Variants in GALNT13 observed in about 807,000 individuals in gnomAD.
The protein encoded by GALNT13 is polypeptide N-acetylgalactosaminyltransferase 13.
Under a neutral mutation model 64.2 loss-of-function variants are expected in GALNT13, and 28 were observed. The ratio of observed to expected loss-of-function variants is 0.44; its 90% CI spans 0.32 to 0.60. The LOEUF (loss-of-function observed/expected upper bound fraction) is 0.60. Ranked by LOEUF, GALNT13 falls within the 20% of genes least tolerant of loss-of-function variation. The probability of loss-of-function intolerance (pLI) is 0.05; values close to 1 mark genes in which losing one functional copy is unlikely to be tolerated. For synonymous variants in GALNT13, 214 were observed against 224.6 expected, an observed-to-expected ratio of 0.95 and a Z score of 0.42; for missense variants, 577 against 669.8, an observed-to-expected ratio of 0.86 and a Z score of 1.53.
intron 3 of GALNT13, among the ~76,000 whole-genome samples, chr2:154,025,870 A>C (rs547346392): frequency 2.6e-5 from 4 of 152,234 alleles, no homozygotes; most frequent in African/African-American, 9.6e-5. Flanking sequence ...TCTTGAACTG[A>C]GTCTCAATAT....
intron 4 of GALNT13, among the ~76,000 whole-genome samples, chr2:154,167,785 C>T (rs1350472475): frequency 1.3e-5 from 2 of 152,056 alleles, no homozygotes; most frequent in South Asian, 4.1e-4. Context: ...GATAGAAAGG[C>T]AGCCTTGCTT....
intron 3 of GALNT13, among the ~76,000 whole-genome samples, chr2:154,123,148 T>C (rs1389411738): frequency 6.6e-6 from 1 of 152,066 alleles, no homozygotes; most frequent in Non-Finnish European, 1.5e-5. Flanking sequence ...AAATTTTTTC[T>C]AGCAGACTTG....
intron 4 of GALNT13, among the ~76,000 whole-genome samples, chr2:154,165,102 G>T (rs1284178234): frequency 6.6e-6 from 1 of 152,108 alleles, no homozygotes; most frequent in East Asian, 1.9e-4. Context: ...AAGGAGAAAA[G>T]CACAGGGAAA....
chr2:153,083,047 T>C, the GALNT13 span, among the ~76,000 whole-genome samples: 465 of 152,078 alleles, frequency 3.1e-3, 1 homozygote, highest in African/African-American at 0.011. Context: ...CAGGCTGGTC[T>C]CAAACTCCTG....
chr2:153,525,875 G>A, the GALNT13 span, among the ~76,000 whole-genome samples: 1 of 152,162 alleles, frequency 6.6e-6, no homozygotes, highest in South Asian at 2.1e-4. Flanking sequence ...GCTGACTGAG[G>A]AGCCCTTGGG....
At position 154,162,984 on chromosome 2, in the gene GALNT13, T is replaced by A. The variant is rs545312188; in HGVS notation, c.311+22479T>A. ...TTATTTTATTTTTCTATTTTTTTTT[T>A]TATATTTTTTATTATACTTTAAGTT... On this transcript the variant is annotated intron_variant, in intron 4 of 12. Coordinates refer to ENST00000392825, the MANE Select transcript of GALNT13 (RefSeq NM_052917.4). Among the ~76,000 whole-genome samples, 785 of 151,404 alleles carry A rather than the reference T, an allele frequency of 5.2e-3. 4 individuals are homozygous for A. The highest frequency in any genetic ancestry group is 7.9e-3 in the Non-Finnish European group (539 of 67,830).
At chr2:153,686,888 A>G in the GALNT13 span, among the ~76,000 whole-genome samples, 1 of 152,064 alleles carries the variant, frequency 6.6e-6, no homozygotes, top group Admixed American at 6.6e-5. Context: ...TTCTGCATCT[A>G]TTGAGATAAT....
chr2:153,538,228 A>G, the GALNT13 span, among the ~76,000 whole-genome samples: 1 of 150,258 alleles, frequency 6.7e-6, no homozygotes, highest in South Asian at 2.1e-4. Flanking sequence ...GATTGCTGGC[A>G]TTTTTCCCCT....
the GALNT13 span, among the ~76,000 whole-genome samples, chr2:153,606,460 G>A: frequency 7.2e-5 from 11 of 151,992 alleles, 1 homozygote; most frequent in African/African-American, 2.7e-4. Flanking sequence ...ATGCAAATTC[G>A]TAAACTTTCT....
chr2:153,770,457 A>G, the GALNT13 span, among the ~76,000 whole-genome samples: 1 of 152,182 alleles, frequency 6.6e-6, no homozygotes, highest in Non-Finnish European at 1.5e-5. Flanking sequence ...TATGAGGCTG[A>G]AGCGATATTG....
chr2:153,300,988 C>T, the GALNT13 span, among the ~76,000 whole-genome samples: 1 of 152,016 alleles, frequency 6.6e-6, no homozygotes, highest in East Asian at 1.9e-4. Flanking sequence ...CAGATAGCTT[C>T]AGGCCAGATG....
chr2:153,918,282 A>C (rs1689527327), intron 2 of GALNT13, among the ~76,000 whole-genome samples: 1 of 152,150 alleles, frequency 6.6e-6, no homozygotes, highest in Non-Finnish European at 1.5e-5. Context: ...GGAAAGGGAG[A>C]TGCTCCTAAT....
At chr2:153,841,285 T>C in the GALNT13 span, among the ~76,000 whole-genome samples, 1 of 152,146 alleles carries the variant, frequency 6.6e-6, no homozygotes, top group South Asian at 2.1e-4. Context: ...CCTTTAAAAA[T>C]ACATAGCTAT....
intron 11 of GALNT13, among the ~76,000 whole-genome samples, chr2:154,418,444 T>C (rs1700116946): frequency 6.6e-6 from 1 of 152,092 alleles, no homozygotes; most frequent in African/African-American, 2.4e-5. Flanking sequence ...TGTATCCTTA[T>C]AAAAGGGAAG....
intron 4 of GALNT13, among the ~76,000 whole-genome samples, chr2:154,226,644 A>G (rs969153277): frequency 6.6e-6 from 1 of 152,108 alleles, no homozygotes; most frequent in Non-Finnish European, 1.5e-5. Flanking sequence ...TTTAAATTTT[A>G]TTTTAGTAGG....
chr2:154,372,945 T>A (rs1394725199), intron 9 of GALNT13, among the ~76,000 whole-genome samples: 1 of 152,132 alleles, frequency 6.6e-6, no homozygotes, highest in African/African-American at 2.4e-5. Flanking sequence ...CTCAGTTTTT[T>A]ATTTAATCAT....
chr2:154,249,908 C>A (rs143625441), intron 7 of GALNT13, among the ~76,000 whole-genome samples: 2 of 152,096 alleles, frequency 1.3e-5, no homozygotes, highest in African/African-American at 4.8e-5. Context: ...TCAAATAAAT[C>A]AAATAACATC....
At chr2:153,715,194 A>C in the GALNT13 span, among the ~76,000 whole-genome samples, 1 of 152,204 alleles carries the variant, frequency 6.6e-6, no homozygotes, top group Non-Finnish European at 1.5e-5. Flanking sequence ...GGATGTGTAT[A>C]ATTTATTATT....
chr2:154,330,404 A>G (rs1695103756), intron 9 of GALNT13, among the ~76,000 whole-genome samples: 1 of 152,140 alleles, frequency 6.6e-6, no homozygotes, highest in Non-Finnish European at 1.5e-5. Flanking sequence ...CACAAAGGCA[A>G]TGAAACAAAT....
Sources: gnomAD v4.1 joint callset for allele counts (sites outside exome capture counted in the v4.1 genomes callset) on GRCh38, gnomAD v4.1.1 for gene constraint, MANE v1.5 for transcripts, NCBI Gene and HGNC (gene_info 2026-07-23, HGNC 2026-07-21) for gene names.